Variants in SLIT2 observed in about 807,000 individuals in gnomAD.
SLIT2 encodes slit guidance ligand 2, also known as slit homolog 2 protein.
SLIT2 carries 41 observed loss-of-function variants against 185.7 expected under a neutral mutation model. That is an observed-to-expected ratio of 0.22 (90% CI 0.17 to 0.29). The LOEUF (loss-of-function observed/expected upper bound fraction) is 0.29. SLIT2 is among the 10% of genes least tolerant of loss of function. SLIT2 has a pLI of 1.00. For missense variants in SLIT2, 1,571 were observed against 1,909.0 expected (o/e 0.82, Z 3.30); for synonymous variants, 693 against 680.2 (o/e 1.02, Z -0.29).
intron 12 of SLIT2, 83 bp from the exon 13 acceptor site, chr4:20,523,677 T>A: frequency 1.8e-6 from 2 of 1,097,848 alleles, no homozygotes; most frequent in Non-Finnish European, 2.7e-6. Flanking sequence ...ATTTCTTGAC[T>A]GGGTTTCCTT....
intron 4 of SLIT2, among the ~76,000 whole-genome samples, chr4:20,407,335 T>A (rs983509978): frequency 2.0e-5 from 3 of 152,176 alleles, no homozygotes; most frequent in Non-Finnish European, 4.4e-5. Context: ...TTAAAACAGC[T>A]CTTTTAGTAA....
chr4:20,475,443 TC>T (rs968895005), intron 5 of SLIT2, among the ~76,000 whole-genome samples: 2 of 151,768 alleles, frequency 1.3e-5, no homozygotes, highest in African/African-American at 4.8e-5. Context: ...AGCTGAAACC[TC>T]CATTTGGAGA....
chr4:20,412,466 C>T (rs1171610209), intron 4 of SLIT2, among the ~76,000 whole-genome samples: 2 of 152,012 alleles, frequency 1.3e-5, no homozygotes, highest in Non-Finnish European at 2.9e-5. Context: ...ATCAGAACTG[C>T]TGATTTAATA....
At chr4:20,514,530 A>G (rs1720027338) in intron 11 of SLIT2, among the ~76,000 whole-genome samples, 1 of 152,120 alleles carries the variant, frequency 6.6e-6, no homozygotes, top group African/African-American at 2.4e-5. Context: ...CTGTAATCCC[A>G]GCTACTCGGA....
chr4:20,331,536 A>ATGTC (rs10626533), intron 4 of SLIT2, among the ~76,000 whole-genome samples: 28,074 of 151,928 alleles, frequency 0.18, 4,186 homozygotes, highest in African/African-American at 0.42. Context: ...TAATACTGTG[A>ATGTC]TGTCAGTCAC....
Position 20,620,314 on chromosome 4 carries a change from C to A in SLIT2, c.*1305C>A. On this transcript the variant is annotated 3_prime_UTR_variant, in exon 37 of 37. Coordinates refer to ENST00000504154, the MANE Select transcript of SLIT2 (RefSeq NM_004787.4). ...ATAAAACTCCTTTATTATCTTAATGCTCCCATGTTAACATGTTTGCTGCTA... is the reference window on the plus strand; with the variant it reads ...ATAAAACTCCTTTATTATCTTAATGATCCCATGTTAACATGTTTGCTGCTA... 7.7e-6 allele frequency: 3 copies of A among 388,574 alleles called. No individual in the cohort carries two copies. The highest frequency in any genetic ancestry group is 1.9e-5 in the South Asian group (1 of 51,324). 24.1% of individuals were successfully genotyped at this position (388,574 alleles called of 1,614,324 possible).
chr4:20,376,902 T>G (rs1724067113), intron 4 of SLIT2, among the ~76,000 whole-genome samples: 1 of 152,054 alleles, frequency 6.6e-6, no homozygotes, highest in East Asian at 1.9e-4. Flanking sequence ...GGGAGAGCTT[T>G]AGGAGAAATA....
intron 4 of SLIT2, among the ~76,000 whole-genome samples, chr4:20,406,461 T>A (rs1237441787): frequency 1.4e-5 from 2 of 142,840 alleles, no homozygotes; most frequent in Non-Finnish European, 3.1e-5. Context: ...TAAAAGCAAA[T>A]AACCCAATAA....
intron 4 of SLIT2, among the ~76,000 whole-genome samples, chr4:20,331,947 T>C (rs1418099539): frequency 6.6e-6 from 1 of 152,198 alleles, no homozygotes; most frequent in Non-Finnish European, 1.5e-5. Context: ...TTAGCATATA[T>C]TGGTAAGTTA....
chr4:20,375,793 G>GA (rs545349580), intron 4 of SLIT2, among the ~76,000 whole-genome samples: 9 of 148,850 alleles, frequency 6.0e-5, no homozygotes, highest in South Asian at 2.1e-4. Context: ...ATGTCTGAAG[G>GA]AAAAAAAAAG....
At chr4:20,471,457 C>A (rs1161159195) in intron 5 of SLIT2, among the ~76,000 whole-genome samples, 2 of 152,010 alleles carry the variant, frequency 1.3e-5, no homozygotes, top group African/African-American at 2.4e-5. Context: ...GTACTTCATC[C>A]CATGTGTCAT....
At chr4:20,304,110 G>A in intron 4 of SLIT2, among the ~76,000 whole-genome samples, 1 of 152,146 alleles carries the variant, frequency 6.6e-6, no homozygotes, top group South Asian at 2.1e-4. Context: ...TTTTAGCTAT[G>A]ATAGCAGAGG....
At chr4:20,362,670 T>C (rs1028192437) in intron 4 of SLIT2, among the ~76,000 whole-genome samples, 1 of 151,906 alleles carries the variant, frequency 6.6e-6, no homozygotes, top group African/African-American at 2.4e-5. Context: ...TGCATAAATA[T>C]GTTTATTCAC....
chr4:20,312,960 T>G (rs1184268209), intron 4 of SLIT2, among the ~76,000 whole-genome samples: 2 of 152,160 alleles, frequency 1.3e-5, no homozygotes, highest in Non-Finnish European at 2.9e-5. Flanking sequence ...GCTGTATAAT[T>G]ATGTCAGAAT....
intron 4 of SLIT2, among the ~76,000 whole-genome samples, chr4:20,372,160 G>A (rs1316795426): frequency 6.6e-6 from 1 of 152,034 alleles, no homozygotes; most frequent in Non-Finnish European, 1.5e-5. Context: ...TGTTTTTGAA[G>A]CCTTGATTTC....
chr4:20,418,813 C>A (rs1475671283), intron 4 of SLIT2, among the ~76,000 whole-genome samples: 1 of 152,124 alleles, frequency 6.6e-6, no homozygotes, highest in Non-Finnish European at 1.5e-5. Flanking sequence ...CACACATACA[C>A]ATACACAAAT....
chr4:20,345,826 G>A (rs908156071), intron 4 of SLIT2, among the ~76,000 whole-genome samples: 3 of 151,928 alleles, frequency 2.0e-5, no homozygotes, highest in East Asian at 2.0e-4. Flanking sequence ...GAGCACCCAC[G>A]TCTGGCCTGA....
At chr4:20,267,225 A>C (rs927880516) in intron 3 of SLIT2, among the ~76,000 whole-genome samples, 10 of 152,050 alleles carry the variant, frequency 6.6e-5, no homozygotes, top group African/African-American at 1.9e-4. Context: ...CATACCTAAC[A>C]GAGAACAAAT....
intron 4 of SLIT2, among the ~76,000 whole-genome samples, chr4:20,425,508 C>T (rs373767809): frequency 3.2e-4 from 49 of 152,186 alleles, no homozygotes; most frequent in African/African-American, 1.2e-3. Flanking sequence ...TAAGTTTATA[C>T]ACGTGTGTGG....
Sources: allele counts gnomAD v4.1 joint callset (sites outside exome capture counted in the v4.1 genomes callset), GRCh38; gene constraint gnomAD v4.1.1; transcripts MANE v1.5; gene names NCBI Gene and HGNC (gene_info 2026-07-23, HGNC 2026-07-21).